The following LIAS variants were observed in gnomAD, a reference collection of about 807,000 sequenced individuals.
The protein encoded by LIAS is lipoic acid synthetase, also known as lipoyl synthase, mitochondrial.
Under a neutral mutation model 49.4 loss-of-function variants are expected in LIAS, and 36 were observed. That is an observed-to-expected ratio of 0.73 (90% CI 0.56 to 0.96). LIAS has a LOEUF of 0.96. Ranked by LOEUF, LIAS falls within the 40% of genes least tolerant of loss-of-function variation. The pLI is 0.00. For missense variants in LIAS, 399 were observed against 456.3 expected (o/e 0.87, Z 1.14); for synonymous variants, 145 against 155.8 (o/e 0.93, Z 0.52).
intron 2 of LIAS, among the ~76,000 whole-genome samples, chr4:39,461,184 C>A (rs1744482245): frequency 6.6e-6 from 1 of 152,204 alleles, no homozygotes; most frequent in Non-Finnish European, 1.5e-5. Flanking sequence ...ACTGCCATCT[C>A]CCCATTTTCT....
At chr4:39,461,658 A>G (rs1213657524) in intron 2 of LIAS, among the ~76,000 whole-genome samples, 1 of 152,186 alleles carries the variant, frequency 6.6e-6, no homozygotes, top group Non-Finnish European at 1.5e-5. Context: ...GGTAGACGTG[A>G]GTATAGCGCC....
intron 6 of LIAS, among the ~76,000 whole-genome samples, chr4:39,465,747 C>A (rs1744731773): frequency 6.6e-6 from 1 of 151,594 alleles, no homozygotes; most frequent in Non-Finnish European, 1.5e-5. Context: ...GCAACCTCTG[C>A]CTCCCAGTTC....
intron 4 of LIAS, among the ~76,000 whole-genome samples, chr4:39,464,389 C>T (rs1370186300): frequency 6.6e-6 from 1 of 151,026 alleles, no homozygotes; most frequent in Non-Finnish European, 1.5e-5. Flanking sequence ...AAGAATAACA[C>T]AACAGACACC....
Position 39,479,241 on chromosome 4 carries a change from A to C in LIAS, c.*2126A>C, listed in dbSNP as rs957234882. ...TTTTTAAGTAATGCATGGGCCGGGCATGGTGGCTTAATGCCTGTAATTCCA... is the reference window on the plus strand; with the variant it reads ...TTTTTAAGTAATGCATGGGCCGGGCCTGGTGGCTTAATGCCTGTAATTCCA... On this transcript the variant is annotated 3_prime_UTR_variant, in exon 11 of 11. Transcript: ENST00000640888. 1 of 151,812 alleles carries C rather than the reference A, an allele frequency of 6.6e-6. No individual in the cohort carries two copies. Among genetic ancestry groups the C allele is most frequent in the African/African-American group, 2.4e-5 (1 of 41,322 alleles). The allele number at this position is 151,812 out of a possible 1,614,324, so 9.4% of individuals were successfully genotyped here.
At chr4:39,476,385 T>A (rs1184676311) in intron 10 of LIAS, 1 of 152,250 alleles carries the variant, frequency 6.6e-6, no homozygotes, top group African/African-American at 2.4e-5. Flanking sequence ...ATATGTAAGA[T>A]GACAAAGAGA....
At chr4:39,459,393 T>C (rs1053335006) in intron 1 of LIAS, among the ~76,000 whole-genome samples, 5 of 152,232 alleles carry the variant, frequency 3.3e-5, no homozygotes, top group African/African-American at 1.2e-4. Context: ...CGAGGACTTA[T>C]TTTCTGCTTA....
intron 6 of LIAS, chr4:39,466,851 G>C (rs1744777793): frequency 6.6e-6 from 1 of 152,178 alleles, no homozygotes; most frequent in Non-Finnish European, 1.5e-5. Context: ...GTGAAAAAAT[G>C]TGTCAGCTGT....
At position 39,467,539 on chromosome 4, in the gene LIAS, G is replaced by A. The variant is rs2109878825; in HGVS notation, c.630G>A (p.Glu210=). Reference sequence around the variant, plus strand: ...TTAGGAATCCAAAAATCCTTGTGGAGTGTCTTACTCCTGATTTTCGAGGTG... The same window carrying A: ...TTAGGAATCCAAAAATCCTTGTGGAATGTCTTACTCCTGATTTTCGAGGTG... ...LKERNPKILV[E]CLTPDFRGDL... Residue 210 remains glutamate, a synonymous_variant, in exon 7 of 11, where the codon GAG becomes GAA. Transcript: ENST00000640888. 1 of 1,599,616 alleles carries A rather than the reference G, an allele frequency of 6.3e-7. No homozygotes were observed. Among genetic ancestry groups the A allele is most frequent in the South Asian group, 1.1e-5 (1 of 88,630 alleles).
rs1205006157 is a variant in LIAS, at chr4:39,478,870, C to T, written c.*1755C>T. 4 of 152,124 alleles carry T rather than the reference C, an allele frequency of 2.6e-5. No individual in the cohort carries two copies. Among genetic ancestry groups the T allele is most frequent in the Non-Finnish European group, 5.9e-5 (4 of 68,036 alleles). The allele number at this position is 152,124 out of a possible 1,614,324, so 9.4% of individuals were successfully genotyped here. ...TTGTAAAATATGTAAAGTGGATAGC[C>T]AATTCTGTTTTGAATTCTTATAACG... On this transcript the variant is annotated 3_prime_UTR_variant, in exon 11 of 11. Transcript: ENST00000640888.
chr4:39,463,483 A>G, intron 3 of LIAS, 42 bp from the exon 4 acceptor site: 1 of 1,532,694 alleles, frequency 6.5e-7, no homozygotes, highest in Non-Finnish European at 8.8e-7. Flanking sequence ...TAGTTGGTGG[A>G]TATTGTCAAC....
intron 3 of LIAS, among the ~76,000 whole-genome samples, chr4:39,462,596 C>G (rs1187375924): frequency 6.6e-6 from 1 of 152,186 alleles, no homozygotes; most frequent in East Asian, 1.9e-4. Flanking sequence ...ATATATAAAC[C>G]ATACTCCTTT....
At chr4:39,471,191 C>T (rs1324816256) in intron 8 of LIAS, 45 bp from the exon 9 acceptor site, 4 of 1,395,030 alleles carry the variant, frequency 2.9e-6, no homozygotes, top group Admixed American at 3.5e-5. Context: ...CTTAGATCTA[C>T]AATTAAAGTA....
intron 7 of LIAS, chr4:39,468,737 C>T (rs766730543): frequency 3.3e-5 from 5 of 149,470 alleles, no homozygotes; most frequent in Non-Finnish European, 7.4e-5. Context: ...AAAATTTTAG[C>T]TAGGTGCAGA....
intron 10 of LIAS, among the ~76,000 whole-genome samples, chr4:39,474,473 T>C (rs1424684705): frequency 6.6e-6 from 1 of 151,804 alleles, no homozygotes; most frequent in African/African-American, 2.4e-5. Context: ...AGGCCAGGTG[T>C]GGTGGTGTGT....
chr4:39,469,159 A>G (rs1744887491), intron 7 of LIAS: 1 of 152,210 alleles, frequency 6.6e-6, no homozygotes, highest in South Asian at 2.1e-4. Flanking sequence ...AGCCTGAAAG[A>G]AGTTACAGTA....
At chr4:39,460,668 A>T (rs1337754086) in intron 1 of LIAS, 122 bp from the exon 2 acceptor site, 13 of 690,296 alleles carry the variant, frequency 1.9e-5, no homozygotes. Context: ...TAGAGCTCCT[A>T]GTTTGACATA....
At chr4:39,468,502 A>AAATATAT (rs140159831) in intron 7 of LIAS, 90 of 125,156 alleles carry the variant, frequency 7.2e-4, no homozygotes, top group African/African-American at 9.5e-4. Context: ...GGAAAAAAAA[A>AAATATAT]ATATATATAT....
chr4:39,462,167 AATAG>A, intron 2 of LIAS, 25 bp from the exon 3 acceptor site: 3 of 1,031,276 alleles, frequency 2.9e-6, no homozygotes, highest in East Asian at 2.8e-5. Context: ...CATATTTGTT[AATAG>A]ATAGTTATGT....
chr4:39,463,564 T>G lies in LIAS; in HGVS notation c.352T>G (p.Trp118Gly). 6.2e-7 allele frequency: 1 copy of G among 1,612,810 alleles called. No homozygotes were observed. The change falls in exon 4 of 11, where the codon TGG becomes GGG. Residue 118 changes from tryptophan (W) to glycine (G), a missense_variant. Transcript: ENST00000640888. ...EARCPNIGEC[W>G]GGGEYATATA... ...TCGATGTCCCAATATTGGAGAGTGT[T>G]GGGGAGGTGGAGAATATGCCACCGC...
Sources: allele counts gnomAD v4.1 joint callset (sites outside exome capture counted in the v4.1 genomes callset), GRCh38; gene constraint gnomAD v4.1.1; transcripts MANE v1.5; gene names NCBI Gene and HGNC (gene_info 2026-07-23, HGNC 2026-07-21).